The following SERGEF variants were observed in gnomAD, a reference collection of about 807,000 sequenced individuals.
The protein encoded by SERGEF is secretion regulating guanine nucleotide exchange factor.
SERGEF carries 51 observed loss-of-function variants against 50.0 expected under a neutral mutation model. The observed-to-expected ratio is 1.02, with a 90% confidence interval of 0.81 to 1.29. The LOEUF is 1.29. Among genes scored for constraint, SERGEF ranks in the 50% most tolerant of loss-of-function variants. The pLI is 0.00. For missense variants in SERGEF, 521 were observed against 557.0 expected, an observed-to-expected ratio of 0.94 and a Z score of 0.65; for synonymous variants, 205 against 212.4, an observed-to-expected ratio of 0.97 and a Z score of 0.30.
chr11:17,961,594 G>A (rs1191033938), intron 8 of SERGEF, among the ~76,000 whole-genome samples: 1 of 152,186 alleles, frequency 6.6e-6, no homozygotes, highest in African/African-American at 2.4e-5. Flanking sequence ...AGGCAAGACT[G>A]GCAGAATATG....
At chr11:17,890,097 T>A (rs1418537072) in intron 9 of SERGEF, among the ~76,000 whole-genome samples, 2 of 142,710 alleles carry the variant, frequency 1.4e-5, no homozygotes, top group Admixed American at 7.0e-5. Flanking sequence ...TGGCCAAGCA[T>A]CAGAACCTAC....
chr11:18,008,423 G>A (rs185345570), intron 1 of SERGEF, among the ~76,000 whole-genome samples: 1 of 152,258 alleles, frequency 6.6e-6, no homozygotes, highest in East Asian at 1.9e-4. Context: ...TTAATTTACT[G>A]GGGCAAAGGA....
intron 8 of SERGEF, among the ~76,000 whole-genome samples, chr11:17,975,756 C>T (rs1853357716): frequency 6.6e-6 from 1 of 152,328 alleles, no homozygotes; most frequent in East Asian, 1.9e-4. Flanking sequence ...CCTCCAGCTG[C>T]TCCTCCACTA....
At chr11:17,907,256 A>ATAAT (rs1378732410) in intron 9 of SERGEF, among the ~76,000 whole-genome samples, 1 of 152,170 alleles carries the variant, frequency 6.6e-6, no homozygotes, top group Non-Finnish European at 1.5e-5. Flanking sequence ...CTACTACTAA[A>ATAAT]TAATTAAGAC....
chr11:18,010,847 A>G (rs1422959202), intron 1 of SERGEF, among the ~76,000 whole-genome samples: 1 of 152,168 alleles, frequency 6.6e-6, no homozygotes, highest in African/African-American at 2.4e-5. Context: ...CTTGCTCAGC[A>G]TGAAGGGGAA....
intron 10 of SERGEF, among the ~76,000 whole-genome samples, chr11:17,860,382 G>C (rs1850905000): frequency 6.6e-6 from 1 of 152,162 alleles, no homozygotes; most frequent in Non-Finnish European, 1.5e-5. Context: ...TACACGTGAG[G>C]ATGGAGGGAA....
chr11:17,909,697 A>C (rs916716144), intron 9 of SERGEF, among the ~76,000 whole-genome samples: 1 of 152,250 alleles, frequency 6.6e-6, no homozygotes, highest in African/African-American at 2.4e-5. Context: ...TGTCACCTGA[A>C]TAGTGATCAT....
intron 10 of SERGEF, among the ~76,000 whole-genome samples, chr11:17,800,578 G>A (rs746388451): frequency 1.6e-4 from 25 of 152,140 alleles, no homozygotes; most frequent in Non-Finnish European, 5.9e-5. Context: ...CTGTCCTCAA[G>A]GGGCTTATAC....
At chr11:17,897,516 G>T (rs1590184725) in intron 9 of SERGEF, among the ~76,000 whole-genome samples, 1 of 152,324 alleles carries the variant, frequency 6.6e-6, no homozygotes, top group East Asian at 1.9e-4. Flanking sequence ...ACAAAGCATA[G>T]TACAACCATA....
chr11:17,907,163 C>CAAAA (rs200442630), intron 9 of SERGEF, among the ~76,000 whole-genome samples: 11 of 116,774 alleles, frequency 9.4e-5, no homozygotes, highest in African/African-American at 3.1e-4. Flanking sequence ...AACTTATGAC[C>CAAAA]AAAAAAAAAA....
intron 10 of SERGEF, among the ~76,000 whole-genome samples, chr11:17,842,323 A>T (rs1010941566): frequency 2.6e-5 from 4 of 152,198 alleles, no homozygotes; most frequent in African/African-American, 9.7e-5. Flanking sequence ...GGATTAGACT[A>T]ACAGAAACTG....
At chr11:17,835,322 G>A (rs112581063) in intron 10 of SERGEF, among the ~76,000 whole-genome samples, 7 of 152,266 alleles carry the variant, frequency 4.6e-5, no homozygotes, top group African/African-American at 1.4e-4. Flanking sequence ...CCAGGCAGTT[G>A]CATGGCACAG....
chr11:17,980,900 T>C (rs918233775), intron 8 of SERGEF, among the ~76,000 whole-genome samples: 8 of 152,236 alleles, frequency 5.3e-5, no homozygotes, highest in Non-Finnish European at 1.0e-4. Context: ...AGAGCTGGAA[T>C]GACCCTTAAA....
chr11:17,837,697 C>T (rs1259147936), intron 10 of SERGEF, among the ~76,000 whole-genome samples: 3 of 145,022 alleles, frequency 2.1e-5, no homozygotes, highest in South Asian at 2.2e-4. Context: ...CTTGCTCTGT[C>T]GCCCAAGCTG....
intron 10 of SERGEF, among the ~76,000 whole-genome samples, chr11:17,837,737 A>G (rs1446876934): frequency 2.0e-5 from 3 of 147,872 alleles, no homozygotes; most frequent in African/African-American, 7.6e-5. Flanking sequence ...CTTGGCTCAC[A>G]GCAACCTCTG....
chr11:17,997,385 G>T (rs1853857907), intron 5 of SERGEF, among the ~76,000 whole-genome samples: 1 of 152,176 alleles, frequency 6.6e-6, no homozygotes, highest in African/African-American at 2.4e-5. Context: ...AATAACAAGT[G>T]TTGGTGAGTT....
intron 10 of SERGEF, among the ~76,000 whole-genome samples, chr11:17,845,716 A>G (rs1358889940): frequency 6.6e-6 from 1 of 152,212 alleles, no homozygotes; most frequent in Non-Finnish European, 1.5e-5. Flanking sequence ...TTTATAATCC[A>G]TAACCACAGA....
At chr11:17,801,119 T>C (rs1026437575) in intron 10 of SERGEF, among the ~76,000 whole-genome samples, 316 of 144,894 alleles carry the variant, frequency 2.2e-3, no homozygotes, top group Non-Finnish European at 3.3e-3. Flanking sequence ...GGCGTGAACC[T>C]GGGAGGCGGA....
At chr11:17,997,032 T>C (rs1304352476) in intron 5 of SERGEF, among the ~76,000 whole-genome samples, 1 of 152,092 alleles carries the variant, frequency 6.6e-6, no homozygotes, top group African/African-American at 2.4e-5. Flanking sequence ...TAGTGAGATC[T>C]CATTTCTACA....
Sources: allele counts gnomAD v4.1 joint callset (sites outside exome capture counted in the v4.1 genomes callset), GRCh38; gene constraint gnomAD v4.1.1; transcripts MANE v1.5; gene names NCBI Gene and HGNC (gene_info 2026-07-23, HGNC 2026-07-21).